PHF12: variants seen among roughly 807,000 people sequenced by gnomAD.
The protein encoded by PHF12 is PHD factor 1.
In PHF12, 6 loss-of-function variants were observed where a neutral mutation model predicts 99.8. The ratio of observed to expected loss-of-function variants is 0.06; its 90% CI spans 0.03 to 0.12. PHF12 has a LOEUF of 0.12. Among genes scored for constraint, PHF12 ranks in the 10% least tolerant of loss-of-function variants. PHF12 has a pLI of 1.00. For synonymous variants in PHF12, 480 were observed against 514.9 expected, an observed-to-expected ratio of 0.93 and a Z score of 0.92; for missense variants, 954 against 1,300.1, an observed-to-expected ratio of 0.73 and a Z score of 4.09.
intron 2 of PHF12, among the ~76,000 whole-genome samples, chr17:28,932,683 CG>C (rs1486769379): frequency 1.3e-5 from 2 of 152,166 alleles, no homozygotes; most frequent in Non-Finnish European, 2.9e-5. Context: ...TGGTGGCTCA[CG>C]CCTGTAATCC....
chr17:28,923,680 A>G (rs1205729407), intron 4 of PHF12, among the ~76,000 whole-genome samples: 3 of 149,660 alleles, frequency 2.0e-5, no homozygotes, highest in African/African-American at 7.4e-5. Flanking sequence ...AAAAAAGGAA[A>G]AAGATAATTC....
At chr17:28,907,755 GAGTT>G (rs2039894587) in intron 12 of PHF12, 83 bp from the exon 13 acceptor site, 2 of 1,357,784 alleles carry the variant, frequency 1.5e-6, no homozygotes, top group South Asian at 1.2e-5. Context: ...GACAGGGAGA[GAGTT>G]AGCTTCTGGG....
In PHF12 at chr17:28,950,304, C is replaced by T; in HGVS notation, c.67-58G>A. On this transcript the variant is annotated intron_variant, in intron 1 of 14. Transcript: ENST00000332830. This position sits in a 1 kb window ranked among gnomAD's most constrained non-coding sequence, Gnocchi z 5.7. ...CTCGGAGCTCCCGGGCGGTCCGTCG[C>T]CCCCCCGGCGCGGTTTCTCCGTCAC... The T allele has an allele frequency of 6.6e-7, 1 of 1,520,528 alleles. No individual in the cohort carries two copies. Among genetic ancestry groups the T allele is most frequent in the Non-Finnish European group, 8.8e-7 (1 of 1,132,358 alleles). The allele number at this position is 1,520,528 out of a possible 1,614,324, so 94.2% of individuals were successfully genotyped here.
intron 6 of PHF12, 114 bp from the exon 7 acceptor site, chr17:28,917,563 C>A: frequency 8.8e-7 from 1 of 1,131,562 alleles, no homozygotes; most frequent in South Asian, 1.6e-5. Flanking sequence ...TAGGTTCCCT[C>A]AATTAGGGAC....
At position 28,951,252 on chromosome 17, in the gene PHF12, C is replaced by G; in HGVS notation, c.-292G>C. The G allele has an allele frequency of 8.0e-7, 1 of 1,249,662 alleles. No individual in the cohort carries two copies. Among genetic ancestry groups the G allele is most frequent in the Non-Finnish European group, 1.0e-6 (1 of 991,780 alleles). 77.4% of individuals were successfully genotyped at this position (1,249,662 alleles called of 1,614,324 possible). The stretch of plus-strand genomic sequence containing the variant: ...CCTCGGCGGGGCCTAGTCCCACAGG[C>G]TAAAGCCGGCACTGGCGACAGCCGG... On this transcript the variant is annotated 5_prime_UTR_variant, in exon 1 of 15. The change abolishes the stop of an existing upstream ORF in the 5' untranslated region. Coordinates refer to ENST00000332830, the MANE Select transcript of PHF12 (RefSeq NM_001033561.2).
intron 4 of PHF12, among the ~76,000 whole-genome samples, chr17:28,922,504 C>T (rs2040184410): frequency 6.6e-6 from 1 of 151,894 alleles, no homozygotes; most frequent in Admixed American, 6.6e-5. Flanking sequence ...TTTACAGTAT[C>T]AAGAAGCCAG....
intron 2 of PHF12, among the ~76,000 whole-genome samples, chr17:28,935,460 T>C (rs2040492163): frequency 6.6e-6 from 1 of 151,900 alleles, no homozygotes; most frequent in Non-Finnish European, 1.5e-5. Flanking sequence ...TTAGTAGAGA[T>C]GGGGTTTCAC....
At chr17:28,942,469 A>C (rs1008964454) in intron 2 of PHF12, among the ~76,000 whole-genome samples, 5 of 151,998 alleles carry the variant, frequency 3.3e-5, no homozygotes, top group African/African-American at 1.2e-4. Context: ...ACTGTGAGTT[A>C]TGACTGTGCC....
At chr17:28,922,334 T>C (rs993565363) in intron 4 of PHF12, among the ~76,000 whole-genome samples, 1 of 152,114 alleles carries the variant, frequency 6.6e-6, no homozygotes, top group African/African-American at 2.4e-5. Flanking sequence ...CCTTAAGCAA[T>C]CCTCCTGCCT....
chr17:28,911,066 C>T (rs534964328), intron 10 of PHF12, 46 bp downstream of exon 10: 3 of 1,612,530 alleles, frequency 1.9e-6, no homozygotes, highest in East Asian at 2.2e-5. Context: ...AGGAATAGCA[C>T]CTTCAACATA....
intron 9 of PHF12, chr17:28,912,007 T>C: frequency 1.2e-6 from 1 of 848,336 alleles, no homozygotes; most frequent in Non-Finnish European, 1.4e-6. Flanking sequence ...CCCTGCTTCC[T>C]GACATGGAAG....
rs371518519 is a variant in PHF12 at position 28,906,657 on chromosome 17, T to C, written c.2681-140A>G. On this transcript the variant is annotated intron_variant, in intron 14 of 14. Coordinates refer to ENST00000332830, the MANE Select transcript of PHF12 (RefSeq NM_001033561.2). This position sits in a 1 kb window ranked among gnomAD's most constrained non-coding sequence, Gnocchi z 4.2. ...AGGAAGGATGCTCAGAAAGGGTTGG[T>C]GGAGTCTGAAGTCCCCACAGGTGTG... 3 of 1,240,898 alleles carry C rather than the reference T, an allele frequency of 2.4e-6. No individual in the cohort carries two copies. Among genetic ancestry groups the C allele is most frequent in the South Asian group, 1.5e-5 (1 of 65,618 alleles). 76.9% of individuals were successfully genotyped at this position (1,240,898 alleles called of 1,614,324 possible). A position where few individuals can be genotyped will look rare whatever the true frequency, so the allele number is the denominator to read the frequency against.
intron 12 of PHF12, chr17:28,908,272 A>G (rs766450163): frequency 3.7e-5 from 6 of 163,192 alleles, no homozygotes; most frequent in Non-Finnish European, 6.7e-5. Context: ...TGCTGTTGCA[A>G]CACTGGGCAA....
At chr17:28,930,748 A>G (rs1328157453) in intron 2 of PHF12, among the ~76,000 whole-genome samples, 1 of 152,214 alleles carries the variant, frequency 6.6e-6, no homozygotes, top group African/African-American at 2.4e-5. Flanking sequence ...TAGTTTCTAA[A>G]GGATCACTTT....
intron 2 of PHF12, among the ~76,000 whole-genome samples, chr17:28,930,738 T>C (rs1353660194): frequency 2.6e-5 from 4 of 152,236 alleles, no homozygotes; most frequent in Non-Finnish European, 5.9e-5. Context: ...AGCATCTTGC[T>C]AGTTTCTAAA....
intron 13 of PHF12, 96 bp downstream of exon 13, chr17:28,907,494 C>T: frequency 1.6e-6 from 2 of 1,226,832 alleles, no homozygotes; most frequent in Non-Finnish European, 2.4e-6. Context: ...ACCCCCAATC[C>T]CTCTTCCCTC....
At chr17:28,933,550 T>C (rs544404297) in intron 2 of PHF12, among the ~76,000 whole-genome samples, 1 of 152,330 alleles carries the variant, frequency 6.6e-6, no homozygotes, top group Admixed American at 6.5e-5. Flanking sequence ...AGAGCCCAAG[T>C]TGTTTTTTAA....
intron 2 of PHF12, among the ~76,000 whole-genome samples, chr17:28,929,228 T>C (rs1347958150): frequency 7.2e-6 from 1 of 138,676 alleles, no homozygotes; most frequent in Non-Finnish European, 1.6e-5. Context: ...GGGGAAATGG[T>C]AAAAAAAAAA....
chr17:28,924,331 T>C (rs754176188), intron 3 of PHF12, 29 bp from the exon 4 acceptor site: 15 of 1,613,802 alleles, frequency 9.3e-6, no homozygotes, highest in Non-Finnish European at 1.3e-5. Flanking sequence ...GGGCCCATCA[T>C]GAAAAGTACC....
Sources: gnomAD v4.1 joint callset for allele counts (sites outside exome capture counted in the v4.1 genomes callset) on GRCh38, gnomAD v4.1.1 for gene constraint, Gnocchi (gnomAD v3.1) non-coding constraint, MANE v1.5 for transcripts, NCBI Gene and HGNC (gene_info 2026-07-23, HGNC 2026-07-21) for gene names.